Variants in USP13 observed in about 807,000 individuals in gnomAD.
USP13 encodes the protein ubiquitin carboxyl-terminal hydrolase 13.
USP13 carries 68 observed loss-of-function variants against 107.8 expected under a neutral mutation model. The ratio of observed to expected loss-of-function variants is 0.63; its 90% confidence interval spans 0.52 to 0.77. The LOEUF is 0.77. Ranked by LOEUF, USP13 falls within the 30% of genes least tolerant of loss-of-function variation. USP13 has a pLI of 0.00. For synonymous variants in USP13, 377 were observed against 389.5 expected (o/e 0.97, Z 0.38); for missense variants, 945 against 1,093.3 (o/e 0.86, Z 1.91).
rs375905835 is a variant in USP13, at chr3:179,680,572, A to G, written c.169-1306A>G. On this transcript the variant is annotated intron_variant, in intron 1 of 20. Coordinates refer to ENST00000263966, the MANE Select transcript of USP13 (RefSeq NM_003940.3). ...TACATTTTTTTTTCCCCCAAGACAGAGTCTTGCTTTGTCACCCAGGCTGGA... is the reference window on the plus strand; with the variant it reads ...TACATTTTTTTTTCCCCCAAGACAGGGTCTTGCTTTGTCACCCAGGCTGGA... Among the ~76,000 whole-genome samples, 124 of 152,086 alleles carry G rather than the reference A, an allele frequency of 8.2e-4. 2 individuals carry two copies. The highest frequency in any genetic ancestry group is 2.9e-3 in the African/African-American group (121 of 41,484).
chr3:179,728,086 C>T (rs1713617466), intron 8 of USP13, among the ~76,000 whole-genome samples: 1 of 84,326 alleles, frequency 1.2e-5, no homozygotes, highest in South Asian at 4.2e-4. Context: ...ACCCCCCCAC[C>T]TCCCTCCCGG....
rs991787571 is a variant in USP13, at chr3:179,770,763, C to G, written c.2413+4915C>G. On this transcript the variant is annotated intron_variant, in intron 19 of 20. Transcript: ENST00000263966. ...AGGATTACAGGCACGCGCCACCACA[C>G]CCAGCTAATTTTTATACTGTTTTTA... 3.3e-5 allele frequency among the ~76,000 whole-genome samples: 5 copies of G among 152,200 alleles called. No homozygotes were observed. The East Asian group carries it at 9.7e-4, about 29-fold the overall frequency.
At chr3:179,655,749 C>T (rs1237423093) in intron 1 of USP13, among the ~76,000 whole-genome samples, 3 of 151,830 alleles carry the variant, frequency 2.0e-5, no homozygotes, top group African/African-American at 7.3e-5. Context: ...AGGTGGGTTT[C>T]GCCATGTTGG....
At position 179,752,217 on chromosome 3, in the gene USP13, T is replaced by C. The variant is rs550900407; in HGVS notation, c.1710-68T>C. The C allele has an allele frequency of 8.1e-5, 116 of 1,432,266 alleles. 1 individual carries two copies. The African/African-American group carries it at 1.5e-3, about 19-fold the overall frequency. The allele number at this position is 1,432,266 out of a possible 1,614,324, so 88.7% of individuals were successfully genotyped here. A position where few individuals can be genotyped will look rare whatever the true frequency, so the allele number is the denominator to read the frequency against. On this transcript the variant is annotated intron_variant, in intron 13 of 20. Transcript: ENST00000263966. ...AGGTGTGCCTCAGACAAAGTTGATA[T>C]GCTTTTTGAACTGTATTCACAATTC...
chr3:179,777,687 A>G (rs973370179), intron 19 of USP13, among the ~76,000 whole-genome samples: 8 of 151,792 alleles, frequency 5.3e-5, no homozygotes, highest in Admixed American at 6.6e-5. Flanking sequence ...CCTGAGCACA[A>G]GCAATCCATC....
intron 9 of USP13, 97 bp from the exon 10 acceptor site, chr3:179,730,519 A>G (rs1713763831): frequency 1.9e-6 from 2 of 1,027,196 alleles, no homozygotes; most frequent in Non-Finnish European, 2.9e-6. Flanking sequence ...TGCTCCACCT[A>G]ACAGCAGTTG....
At chr3:179,752,214 A>G in intron 13 of USP13, 71 bp from the exon 14 acceptor site, 2 of 1,397,482 alleles carry the variant, frequency 1.4e-6, no homozygotes, top group Non-Finnish European at 2.0e-6. Context: ...GACAAAGTTG[A>G]TATGCTTTTT....
At chr3:179,750,685 A>G (rs1714579704) in intron 13 of USP13, among the ~76,000 whole-genome samples, 1 of 152,182 alleles carries the variant, frequency 6.6e-6, no homozygotes, top group South Asian at 2.1e-4. Context: ...CTCTTTCATG[A>G]CAAAATAATC....
intron 8 of USP13, among the ~76,000 whole-genome samples, chr3:179,728,805 C>G (rs1373739053): frequency 2.6e-5 from 4 of 152,176 alleles, no homozygotes; most frequent in Admixed American, 2.6e-4. Flanking sequence ...CACAGCGAAA[C>G]CCCGTCTCCA....
chr3:179,729,139 C>G (rs1713698141), intron 8 of USP13, among the ~76,000 whole-genome samples: 1 of 152,158 alleles, frequency 6.6e-6, no homozygotes, highest in Non-Finnish European at 1.5e-5. Flanking sequence ...AGACATTGGA[C>G]TCAACTCTGA....
chr3:179,654,259 C>T (rs1166960061), intron 1 of USP13, among the ~76,000 whole-genome samples: 1 of 151,948 alleles, frequency 6.6e-6, no homozygotes, highest in African/African-American at 2.4e-5. Context: ...CCGGTGCCTC[C>T]ACTCGGGCAG....
chr3:179,658,246 A>T (rs1336586721), intron 1 of USP13, among the ~76,000 whole-genome samples: 1 of 152,010 alleles, frequency 6.6e-6, no homozygotes, highest in South Asian at 2.1e-4. Context: ...GAGCCACTGC[A>T]CCTGGCCAAC....
intron 19 of USP13, among the ~76,000 whole-genome samples, chr3:179,769,915 G>A (rs1715293800): frequency 6.6e-6 from 1 of 152,180 alleles, no homozygotes; most frequent in Non-Finnish European, 1.5e-5. Flanking sequence ...TGGAAGGGAA[G>A]TTTGTGAGTG....
intron 19 of USP13, among the ~76,000 whole-genome samples, chr3:179,767,862 G>A (rs958080037): frequency 1.3e-5 from 2 of 152,046 alleles, no homozygotes; most frequent in Admixed American, 6.6e-5. Flanking sequence ...TAACATGTAC[G>A]TATTCATATA....
At chr3:179,670,207 C>A (rs573373700) in intron 1 of USP13, among the ~76,000 whole-genome samples, 1 of 152,304 alleles carries the variant, frequency 6.6e-6, no homozygotes, top group East Asian at 1.9e-4. Flanking sequence ...TGTCCCCCAT[C>A]TGTATAAAGA....
At chr3:179,762,242 A>G (rs115513515) in intron 17 of USP13, among the ~76,000 whole-genome samples, 2 of 152,202 alleles carry the variant, frequency 1.3e-5, no homozygotes, top group Non-Finnish European at 2.9e-5. Context: ...AGATTCATCT[A>G]TGTTGTAGCA....
chr3:179,703,040 G>C (rs1712592110), intron 4 of USP13, among the ~76,000 whole-genome samples: 2 of 152,140 alleles, frequency 1.3e-5, no homozygotes, highest in African/African-American at 4.8e-5. Flanking sequence ...AATTTGAAAT[G>C]TGAATAGTCT....
chr3:179,655,548 G>GTTTTTT lies in USP13; in HGVS notation c.168+2158_168+2163dup, dbSNP rs150977876. ...AAGCACAGTGCGTGATAATGGGAAG[G>GTTTTTT]TTTTTTTTGTTTTGTTTTGTTTTTT... On this transcript the variant is annotated intron_variant, in intron 1 of 20. Coordinates refer to ENST00000263966, the MANE Select transcript of USP13 (RefSeq NM_003940.3). Among the ~76,000 whole-genome samples, 355 of 131,116 alleles carry GTTTTTT rather than the reference G, an allele frequency of 2.7e-3. 28 individuals carry two copies. Among genetic ancestry groups the GTTTTTT allele is most frequent in the African/African-American group, 0.011 (323 of 29,690 alleles). 86.0% of individuals were successfully genotyped at this position (131,116 alleles called of 152,430 possible).
chr3:179,672,326 TG>T (rs1195562404), intron 1 of USP13, among the ~76,000 whole-genome samples: 1 of 152,172 alleles, frequency 6.6e-6, no homozygotes, highest in Non-Finnish European at 1.5e-5. Flanking sequence ...TGAAATGCAT[TG>T]AAGACAGGAT....
Sources: gnomAD v4.1 joint callset for allele counts (sites outside exome capture counted in the v4.1 genomes callset) on GRCh38, gnomAD v4.1.1 for gene constraint, MANE v1.5 for transcripts, NCBI Gene and HGNC (gene_info 2026-07-23, HGNC 2026-07-21) for gene names.